The following DNAAF9 variants were observed in gnomAD, a reference collection of about 807,000 sequenced individuals.
The protein encoded by DNAAF9 is dynein axonemal assembly factor 9, also known as shulin.
In DNAAF9, 90 loss-of-function variants were observed where a neutral mutation model predicts 167.0. That is an observed-to-expected ratio of 0.54 (90% CI 0.45 to 0.64). DNAAF9 has a LOEUF of 0.64. Ranked by LOEUF, DNAAF9 falls within the 30% of genes least tolerant of loss-of-function variation. DNAAF9 has a pLI of 0.00. For missense variants in DNAAF9, 1,315 were observed against 1,442.2 expected, an observed-to-expected ratio of 0.91 and a Z score of 1.43; for synonymous variants, 491 against 508.8, an observed-to-expected ratio of 0.96 and a Z score of 0.47.
chr20:3,354,285 G>C (rs75671035), intron 7 of DNAAF9, among the ~76,000 whole-genome samples: 8 of 152,194 alleles, frequency 5.3e-5, no homozygotes, highest in Non-Finnish European at 1.0e-4. Flanking sequence ...GGATACTGTT[G>C]TAAGTAAGTG....
chr20:3,319,082 C>CAAAAAAAAAAAA (rs71195834), intron 16 of DNAAF9, among the ~76,000 whole-genome samples: 213 of 71,036 alleles, frequency 3.0e-3, no homozygotes, highest in Middle Eastern at 8.5e-3. Flanking sequence ...GACTCTGTCT[C>CAAAAAAAAAAAA]AAAAAAAAAA....
chr20:3,333,607 G>A (rs551711461), intron 10 of DNAAF9, among the ~76,000 whole-genome samples: 1 of 152,208 alleles, frequency 6.6e-6, no homozygotes, highest in South Asian at 2.1e-4. Flanking sequence ...AACTCATGGA[G>A]GTATTTCTAA....
intron 31 of DNAAF9, among the ~76,000 whole-genome samples, chr20:3,262,601 T>A (rs981141853): frequency 1.3e-5 from 2 of 152,112 alleles, no homozygotes; most frequent in South Asian, 4.1e-4. Context: ...CCTGGATTAG[T>A]CTGCCTCCAG....
intron 2 of DNAAF9, 148 bp downstream of exon 2, chr20:3,382,279 A>G: frequency 1.5e-6 from 1 of 656,778 alleles, no homozygotes. Context: ...TAACCTCATT[A>G]AAACAGCAAC....
At chr20:3,359,017 G>A (rs2083325953) in intron 7 of DNAAF9, among the ~76,000 whole-genome samples, 1 of 152,114 alleles carries the variant, frequency 6.6e-6, no homozygotes, top group Non-Finnish European at 1.5e-5. Flanking sequence ...TTTAAACACT[G>A]TCTAGAGCTG....
rs746887096 is a variant in DNAAF9, at chr20:3,294,125, G to A, written c.2238+14C>T. ...TTCCTGTGAATTCCCAGCATATCTG[G>A]TGAGCTCCTCTACCTTGTCACTTTC... On this transcript the variant is annotated intron_variant, in intron 25 of 36. Transcript: ENST00000252032. 4.4e-6 allele frequency: 6 copies of A among 1,373,694 alleles called. No individual in the cohort carries two copies. In the South Asian group the frequency reaches 7.0e-5, roughly 16 times the overall value. 85.1% of individuals were successfully genotyped at this position (1,373,694 alleles called of 1,614,324 possible). A position where few individuals can be genotyped will look rare whatever the true frequency, so the allele number is the denominator to read the frequency against.
intron 6 of DNAAF9, among the ~76,000 whole-genome samples, chr20:3,373,510 G>A (rs1056300564): frequency 1.3e-5 from 2 of 152,210 alleles, no homozygotes; most frequent in Non-Finnish European, 2.9e-5. Context: ...TGAAATAAAA[G>A]ACACTGCTCT....
intron 33 of DNAAF9, among the ~76,000 whole-genome samples, chr20:3,258,294 G>A (rs1355661946): frequency 2.6e-5 from 4 of 152,188 alleles, no homozygotes; most frequent in Admixed American, 6.5e-5. Flanking sequence ...GTGTGGGGCC[G>A]AAGTTTCTGA....
At chr20:3,406,969 C>T (rs1377935600) in intron 1 of DNAAF9, among the ~76,000 whole-genome samples, 2 of 151,634 alleles carry the variant, frequency 1.3e-5, no homozygotes, top group African/African-American at 4.8e-5. Flanking sequence ...TAGAGACCCA[C>T]GGGAGGGGGC....
chr20:3,407,250 G>C (rs191789016), intron 1 of DNAAF9, among the ~76,000 whole-genome samples: 1 of 152,138 alleles, frequency 6.6e-6, no homozygotes, highest in Non-Finnish European at 1.5e-5. Flanking sequence ...TTGTCTGTGG[G>C]GGAGCCATTG....
intron 8 of DNAAF9, among the ~76,000 whole-genome samples, chr20:3,348,233 C>T (rs527999073): frequency 6.6e-5 from 10 of 152,134 alleles, no homozygotes; most frequent in African/African-American, 9.7e-5. Flanking sequence ...AGGTGTGCTA[C>T]TCACATGTGG....
In DNAAF9 at chr20:3,259,490, C is replaced by T; in HGVS notation, c.3045G>A (p.Val1015=). Residue 1015 remains valine, a synonymous_variant, in exon 33 of 37, where the codon GTG becomes GTA. Transcript: ENST00000252032. ...SGNIYHILGK[V]KFSDSERTME... ...CCAGCCCCTGGTTACCTGAAAACTT[C>T]ACTTTGCCCAGGATGTGGTAGATGT... 1 of 1,607,764 alleles carries T rather than the reference C, an allele frequency of 6.2e-7. No individual in the cohort carries two copies. Among genetic ancestry groups the T allele is most frequent in the Non-Finnish European group, 8.5e-7 (1 of 1,174,176 alleles).
rs2084084067 is a variant in DNAAF9, at chr20:3,407,631, G to A, written c.-74C>T. 1.7e-6 allele frequency: 2 copies of A among 1,179,504 alleles called. No individual in the cohort carries two copies. Among genetic ancestry groups the A allele is most frequent in the Non-Finnish European group, 2.1e-6 (2 of 954,470 alleles). The allele number at this position is 1,179,504 out of a possible 1,614,324, so 73.1% of individuals were successfully genotyped here. ...TCAGTTGCCCGCAGGGCGGCTCCAC[G>A]CTAGCTGCGGCCGGGCGGGGCGGCA... On this transcript the variant is annotated 5_prime_UTR_variant, in exon 1 of 37. Coordinates refer to ENST00000252032, the MANE Select transcript of DNAAF9 (RefSeq NM_001009984.3).
In DNAAF9 at chr20:3,274,218, T is replaced by C. The variant is rs566699924; in HGVS notation, c.2651-3656A>G. Among the ~76,000 whole-genome samples the C allele has an allele frequency of 3.2e-3, 480 of 151,948 alleles. 3 individuals carry two copies. The highest frequency in any genetic ancestry group is 0.017 in the Middle Eastern group (5 of 294). On this transcript the variant is annotated intron_variant, in intron 29 of 36. Transcript: ENST00000252032. ...AGTGTAGTGGTGTGATCTCGGCTGG[T>C]TGCAACCTCCATGTCCCGGGTTCAA...
At chr20:3,285,827 A>G (rs752059973) in intron 27 of DNAAF9, among the ~76,000 whole-genome samples, 35 of 150,992 alleles carry the variant, frequency 2.3e-4, no homozygotes, top group Non-Finnish European at 1.5e-4. Context: ...AAAAAATACA[A>G]AAATTACTCG....
intron 31 of DNAAF9, 76 bp downstream of exon 31, chr20:3,264,362 T>TC (rs1022340310): frequency 1.3e-4 from 55 of 408,092 alleles, no homozygotes; most frequent in Middle Eastern, 6.6e-4. Context: ...ACCTTCTCTC[T>TC]TTTTTTTTTT....
chr20:3,306,830 A>T, intron 20 of DNAAF9: 2 of 838,846 alleles, frequency 2.4e-6, no homozygotes, highest in Non-Finnish European at 2.9e-6. Flanking sequence ...GACCTTCAAC[A>T]CTCTCCTAAA....
Position 3,281,648 on chromosome 20 carries a change from C to T in DNAAF9, c.2605G>A (p.Glu869Lys), listed in dbSNP as rs954732833. ...ACCATATCCTGTATCTACCTGTGCTCCATGTAGCAGCTCATGGGCTCCACA... is the reference window on the plus strand; with the variant it reads ...ACCATATCCTGTATCTACCTGTGCTTCATGTAGCAGCTCATGGGCTCCACA... ...ACVEPMSCYMEHRFLFPKCLD... is the reference protein window; with the variant it reads ...ACVEPMSCYMKHRFLFPKCLD... Residue 869 changes from glutamate to lysine, a missense_variant, in exon 28 of 37, where the codon GAG (glutamate) becomes AAG (lysine). By Grantham distance (56) the Glu-to-Lys change is moderately conservative. This residue lies in a region of DNAAF9 where 334 missense variants were observed against 429.7 expected (regional missense o/e 0.78). Transcript: ENST00000252032. 6.2e-7 allele frequency: 1 copy of T among 1,609,606 alleles called. No individual in the cohort carries two copies. Among genetic ancestry groups the T allele is most frequent in the African/African-American group, 1.3e-5 (1 of 74,678 alleles).
chr20:3,267,136 G>A (rs1327936576), intron 30 of DNAAF9, among the ~76,000 whole-genome samples: 1 of 152,196 alleles, frequency 6.6e-6, no homozygotes, highest in African/African-American at 2.4e-5. Flanking sequence ...ACAGGTGTGA[G>A]CCACCGTGCC....
Sources: allele counts gnomAD v4.1 joint callset (sites outside exome capture counted in the v4.1 genomes callset), GRCh38; gene constraint gnomAD v4.1.1; regional missense constraint gnomAD v4.1.1; transcripts MANE v1.5; gene names NCBI Gene and HGNC (gene_info 2026-07-23, HGNC 2026-07-21).